FNIP2: variants seen among roughly 807,000 people sequenced by gnomAD.
FNIP2 encodes folliculin-interacting protein 2.
FNIP2 carries 32 observed loss-of-function variants against 108.7 expected under a neutral mutation model. The ratio of observed to expected loss-of-function variants is 0.29; its 90% CI spans 0.22 to 0.40. The LOEUF is 0.40. FNIP2 is among the 10% of genes least tolerant of loss of function. The pLI is 1.00. For synonymous variants in FNIP2, 480 were observed against 496.7 expected (o/e 0.97, Z 0.45); for missense variants, 1,202 against 1,381.6 (o/e 0.87, Z 2.06).
At chr4:158,829,708 T>TGG (rs1398563469) in intron 3 of FNIP2, among the ~76,000 whole-genome samples, 26 of 146,944 alleles carry the variant, frequency 1.8e-4, no homozygotes, top group African/African-American at 4.5e-4. Flanking sequence ...ACTGTGTGTG[T>TGG]GGGGTGTGTG....
At chr4:158,778,556 A>G (rs1775931535) in intron 1 of FNIP2, among the ~76,000 whole-genome samples, 2 of 152,224 alleles carry the variant, frequency 1.3e-5, no homozygotes, top group Non-Finnish European at 2.9e-5. Flanking sequence ...ATGATGAGAT[A>G]TTTCCTGAGA....
Position 158,859,604 on chromosome 4 carries a change from A to G in FNIP2, c.1086A>G (p.Ala362=), listed in dbSNP as rs769592906. The change falls in exon 10 of 17, where the codon GCA becomes GCG. Residue 362 remains alanine, a synonymous_variant. Transcript: ENST00000264433. ...EKAMISCRKI[A]ESSLRVQFYV... ...CTATGATCTCCTGTAGGAAAATAGC[A>G]GAATCAAGTCTCCGAGTCCAGTTTT... The G allele has an allele frequency of 6.2e-7, 1 of 1,613,556 alleles. No homozygotes were observed. The highest frequency in any genetic ancestry group is 8.5e-7 in the Non-Finnish European group (1 of 1,179,680).
intron 14 of FNIP2, among the ~76,000 whole-genome samples, chr4:158,885,694 C>T (rs2126759675): frequency 6.6e-6 from 1 of 152,284 alleles, no homozygotes; most frequent in African/African-American, 2.4e-5. Flanking sequence ...CTTTAAATGG[C>T]ATTTAAGCCT....
At chr4:158,805,394 C>T (rs2126486491) in intron 1 of FNIP2, among the ~76,000 whole-genome samples, 2 of 152,216 alleles carry the variant, frequency 1.3e-5, no homozygotes, top group South Asian at 4.1e-4. Flanking sequence ...GCATTGTTCT[C>T]CTTTTTCAGA....
intron 15 of FNIP2, 115 bp downstream of exon 15, chr4:158,891,761 C>A: frequency 9.9e-7 from 1 of 1,015,002 alleles, no homozygotes; most frequent in Non-Finnish European, 1.4e-6. Flanking sequence ...TGGAGATTAG[C>A]ATAACTAAAA....
At chr4:158,797,787 C>G (rs1005070575) in intron 1 of FNIP2, among the ~76,000 whole-genome samples, 1 of 152,190 alleles carries the variant, frequency 6.6e-6, no homozygotes, top group Non-Finnish European at 1.5e-5. Context: ...AAGCTGCCAT[C>G]TCTCCACTGG....
chr4:158,900,602 GTCTC>G (rs1729137318), intron 16 of FNIP2, among the ~76,000 whole-genome samples: 1 of 152,100 alleles, frequency 6.6e-6, no homozygotes, highest in African/African-American at 2.4e-5. Flanking sequence ...GCCCTTCTTT[GTCTC>G]TTTGATCTTT....
chr4:158,811,373 T>C (rs920976476), intron 1 of FNIP2, among the ~76,000 whole-genome samples: 1 of 152,194 alleles, frequency 6.6e-6, no homozygotes, highest in Non-Finnish European at 1.5e-5. Flanking sequence ...ATTTTCCCAC[T>C]TACTGATTTT....
intron 12 of FNIP2, among the ~76,000 whole-genome samples, chr4:158,867,619 C>T (rs1442938966): frequency 6.6e-6 from 1 of 152,156 alleles, no homozygotes; most frequent in Admixed American, 6.5e-5. Context: ...CTGTGTAGAC[C>T]ACCTCATTAA....
chr4:158,816,640 C>T (rs1209877967), intron 1 of FNIP2, among the ~76,000 whole-genome samples: 1 of 151,942 alleles, frequency 6.6e-6, no homozygotes, highest in Non-Finnish European at 1.5e-5. Flanking sequence ...AAAAAATTAG[C>T]CAGGTGTGGT....
At chr4:158,880,136 A>T (rs1196256952) in intron 14 of FNIP2, among the ~76,000 whole-genome samples, 10 of 147,196 alleles carry the variant, frequency 6.8e-5, no homozygotes, top group Non-Finnish European at 1.5e-4. Context: ...ATAAAGACAC[A>T]TGCACACGTA....
chr4:158,774,075 TCAC>T (rs933454317), intron 1 of FNIP2, among the ~76,000 whole-genome samples: 2 of 152,204 alleles, frequency 1.3e-5, no homozygotes, highest in African/African-American at 4.8e-5. Context: ...TAGCCTGACT[TCAC>T]CACTGTGCAA....
chr4:158,780,662 T>G (rs1484414362), intron 1 of FNIP2, among the ~76,000 whole-genome samples: 1 of 152,218 alleles, frequency 6.6e-6, no homozygotes, highest in African/African-American at 2.4e-5. Context: ...ATATGATCTG[T>G]ATTCTCTCTC....
intron 1 of FNIP2, among the ~76,000 whole-genome samples, chr4:158,806,688 A>G (rs1353848012): frequency 6.6e-6 from 1 of 152,188 alleles, no homozygotes; most frequent in Non-Finnish European, 1.5e-5. Flanking sequence ...GCCAACTTAT[A>G]AGAAGTGTGT....
At chr4:158,840,124 AGG>A (rs1467069824) in intron 7 of FNIP2, among the ~76,000 whole-genome samples, 1 of 152,188 alleles carries the variant, frequency 6.6e-6, no homozygotes, top group Non-Finnish European at 1.5e-5. Context: ...AATGGGACAC[AGG>A]TTATGGAGGA....
At chr4:158,797,362 T>C (rs537446325) in intron 1 of FNIP2, among the ~76,000 whole-genome samples, 257 of 152,320 alleles carry the variant, frequency 1.7e-3, no homozygotes, top group African/African-American at 5.7e-3. Flanking sequence ...AGGCCAAGAA[T>C]GAGTGAGATA....
At chr4:158,842,683 T>A (rs1779193202) in intron 7 of FNIP2, among the ~76,000 whole-genome samples, 3 of 152,174 alleles carry the variant, frequency 2.0e-5, no homozygotes, top group African/African-American at 7.2e-5. Context: ...TTGTACCCCT[T>A]ATAAATTTTT....
rs1298512562 is a variant in FNIP2 at position 158,869,259 on chromosome 4, GACA to G, written c.2628_2630del (p.Asn876del). The G allele has an allele frequency of 3.1e-6, 5 of 1,613,916 alleles. No homozygotes were observed. Among genetic ancestry groups the G allele is most frequent in the Non-Finnish European group, 4.2e-6 (5 of 1,179,896 alleles). On this transcript the variant is annotated inframe_deletion, in exon 13 of 17. Coordinates refer to ENST00000264433, the MANE Select transcript of FNIP2 (RefSeq NM_020840.3). ...TGGTGCGAATATCCCCTGTGGGGAT[GACA>G]ACAAGAAGGCCAACTTCAGGACTGA...
intron 10 of FNIP2, among the ~76,000 whole-genome samples, chr4:158,859,952 A>G (rs1446621410): frequency 2.0e-5 from 3 of 152,202 alleles, no homozygotes; most frequent in African/African-American, 7.2e-5. Flanking sequence ...TCATTATCTT[A>G]TGTCAGCCTC....
Sources: allele counts gnomAD v4.1 joint callset (sites outside exome capture counted in the v4.1 genomes callset), GRCh38; gene constraint gnomAD v4.1.1; transcripts MANE v1.5; gene names NCBI Gene and HGNC (gene_info 2026-07-23, HGNC 2026-07-21).